SLC6A13: variants seen among roughly 807,000 people sequenced by gnomAD.
SLC6A13 encodes solute carrier family 6 member 13, also known as sodium- and chloride-dependent GABA transporter 2.
Under a neutral mutation model 72.9 loss-of-function variants are expected in SLC6A13, and 69 were observed. The ratio of observed to expected loss-of-function variants is 0.95; its 90% CI spans 0.78 to 1.16. SLC6A13 has a LOEUF of 1.16. SLC6A13 is among the 50% of genes most tolerant of loss of function. The pLI is 0.00. For synonymous variants in SLC6A13, 303 were observed against 303.0 expected (o/e 1.00, Z 0.00); for missense variants, 735 against 760.5 (o/e 0.97, Z 0.39).
At chr12:241,632 G>A (rs1363532681) in intron 4 of SLC6A13, among the ~76,000 whole-genome samples, 5 of 152,190 alleles carry the variant, frequency 3.3e-5, no homozygotes, top group Non-Finnish European at 7.3e-5. Flanking sequence ...GCCCGTGAAA[G>A]GTAAATAAAT....
At chr12:244,509 G>A (rs1220602084) in intron 2 of SLC6A13, among the ~76,000 whole-genome samples, 1 of 152,054 alleles carries the variant, frequency 6.6e-6, no homozygotes, top group Non-Finnish European at 1.5e-5. Flanking sequence ...GGCAACATGG[G>A]AAAACTCTGT....
chr12:252,075 T>C (rs505631), intron 2 of SLC6A13, among the ~76,000 whole-genome samples: 28,533 of 152,170 alleles, frequency 0.19, 3,118 homozygotes, highest in East Asian at 0.37. Context: ...TATATGAAGA[T>C]ACCTCGATAA....
At position 223,145 on chromosome 12, in the gene SLC6A13, C is replaced by T. The variant is rs148770476; in HGVS notation, c.1401G>A (p.Val467=). 132 of 1,611,640 alleles carry T rather than the reference C, an allele frequency of 8.2e-5. No homozygotes were observed. The highest frequency in any genetic ancestry group is 6.0e-4 in the African/African-American group (45 of 74,868). Residue 467 remains valine, a synonymous_variant, in exon 12 of 15, where the codon GTG becomes GTA. Transcript: ENST00000343164. ...LFVAIFESLC[V]AWVYGAKRFY... is the part of the protein sequence containing the mutation. ...GGAGTCACTCACCGTAAACCCAAGC[C>T]ACACAGAGGGACTCGAAGATGGCCA...
At chr12:243,941 G>A (rs1413731974) in intron 2 of SLC6A13, 128 bp from the exon 3 acceptor site, 4 of 789,334 alleles carry the variant, frequency 5.1e-6, no homozygotes, top group African/African-American at 1.7e-5. Flanking sequence ...AAAACTGCAG[G>A]AGACAGCTGT....
intron 9 of SLC6A13, 114 bp from the exon 10 acceptor site, chr12:224,627 AC>A: frequency 1.3e-6 from 1 of 787,616 alleles, no homozygotes; most frequent in Non-Finnish European, 2.1e-6. Flanking sequence ...AGGAAACTTC[AC>A]CCCAAAGTTG....
In SLC6A13 at chr12:223,991, C is replaced by T. The variant is rs781063761; in HGVS notation, c.1311+1G>A. 1.5e-5 allele frequency: 24 copies of T among 1,612,192 alleles called. No individual in the cohort carries two copies. The highest frequency in any genetic ancestry group is 1.9e-5 in the Non-Finnish European group (22 of 1,179,342). On this transcript the variant is annotated splice_donor_variant, in intron 11 of 14. Transcript: ENST00000343164. LOFTEE classifies it high-confidence loss of function. The stretch of plus-strand genomic sequence containing the variant: ...CCTTCCCCCGCTTCCCAGGCCCTCA[C>T]CTCTGTGAGCATGATCAGCCCCACA...
chr12:260,576 C>T (rs564113660), intron 1 of SLC6A13, among the ~76,000 whole-genome samples: 22 of 152,046 alleles, frequency 1.4e-4, no homozygotes, highest in East Asian at 3.9e-4. Context: ...TTCATAACAG[C>T]GAAAAATCGG....
intron 6 of SLC6A13, among the ~76,000 whole-genome samples, chr12:236,385 C>G (rs1430781364): frequency 7.8e-6 from 1 of 128,690 alleles, no homozygotes; most frequent in Non-Finnish European, 1.8e-5. Flanking sequence ...TATACTGTCT[C>G]TCTTTATTTC....
intron 6 of SLC6A13, among the ~76,000 whole-genome samples, chr12:236,342 C>T (rs1278292342): frequency 2.0e-5 from 3 of 152,206 alleles, no homozygotes; most frequent in South Asian, 2.1e-4. Flanking sequence ...TGTGATGTCA[C>T]CCCCAGCGGC....
intron 2 of SLC6A13, among the ~76,000 whole-genome samples, chr12:258,663 T>C (rs1942825347): frequency 1.3e-5 from 2 of 152,188 alleles, no homozygotes; most frequent in South Asian, 4.1e-4. Context: ...GGGAAATCCC[T>C]CTAGCTAGGG....
rs748282867 is a variant in SLC6A13 at position 224,113 on chromosome 12, C to T, written c.1190G>A (p.Ser397Asn). The T allele has an allele frequency of 3.3e-5, 54 of 1,614,054 alleles. No individual in the cohort carries two copies. The highest frequency in any genetic ancestry group is 4.6e-5 in the Non-Finnish European group (54 of 1,180,038). ...CATGTCCACCAGCGCTGTCACCAGGCTTTCTACACACACAAACTGGATGAC... is the reference window on the plus strand; with the variant it reads ...CATGTCCACCAGCGCTGTCACCAGGTTTTCTACACACACAAACTGGATGAC... Reference protein sequence around the residue: ...GLDSQFVCVESLVTALVDMYP... With the variant: ...GLDSQFVCVENLVTALVDMYP... Residue 397 changes from serine (S) to asparagine (N), a missense_variant, in exon 11 of 15, where the codon AGC becomes AAC. Ser to Asn is a conservative substitution (Grantham distance 46). Transcript: ENST00000343164.
chr12:238,062 A>G (rs1411839955), intron 4 of SLC6A13, 52 bp from the exon 5 acceptor site: 4 of 1,589,858 alleles, frequency 2.5e-6, no homozygotes, highest in East Asian at 2.2e-5. Context: ...CAGCCAGCCT[A>G]TGACACAACT....
chr12:224,869 G>A (rs1188567313), intron 9 of SLC6A13, among the ~76,000 whole-genome samples: 1 of 152,260 alleles, frequency 6.6e-6, no homozygotes, highest in African/African-American at 2.4e-5. Flanking sequence ...AGTTTGTGCA[G>A]CAGATCTAGT....
At chr12:223,317 G>A (rs149204504) in intron 11 of SLC6A13, 83 bp from the exon 12 acceptor site, 20 of 794,744 alleles carry the variant, frequency 2.5e-5, no homozygotes, top group African/African-American at 1.0e-4. Context: ...AGCTTCACAC[G>A]GTGGAGGCAC....
At chr12:221,115 A>G in intron 14 of SLC6A13, 45 bp from the exon 15 acceptor site, 2 of 1,542,320 alleles carry the variant, frequency 1.3e-6, no homozygotes, top group African/African-American at 1.4e-5. Context: ...GAGCGGGGGC[A>G]GGTCTGCCAG....
intron 4 of SLC6A13, among the ~76,000 whole-genome samples, chr12:240,360 C>T (rs1025928349): frequency 6.6e-6 from 1 of 152,048 alleles, no homozygotes; most frequent in Non-Finnish European, 1.5e-5. Context: ...TGCACCACCA[C>T]CCCTGGCAAA....
chr12:224,290 C>T, intron 10 of SLC6A13, 111 bp downstream of exon 10: 3 of 1,328,686 alleles, frequency 2.3e-6, no homozygotes, highest in Middle Eastern at 1.9e-4. Flanking sequence ...CACCCTCAAG[C>T]TCCTGTGTCC....
intron 1 of SLC6A13, among the ~76,000 whole-genome samples, chr12:261,515 A>G (rs867460566): frequency 2.6e-5 from 4 of 152,164 alleles, no homozygotes; most frequent in Non-Finnish European, 4.4e-5. Context: ...TTTTCTGGAG[A>G]AGGAGGCAGA....
Position 224,128 on chromosome 12 carries a change from A to G in SLC6A13, c.1175T>C (p.Phe392Ser). 1 of 1,614,026 alleles carries G rather than the reference A, an allele frequency of 6.2e-7. No homozygotes were observed. The highest frequency in any genetic ancestry group is 8.5e-7 in the Non-Finnish European group (1 of 1,179,988). Residue 392 changes from phenylalanine to serine, a missense_variant and splice_region_variant, in exon 11 of 15, where the codon TTT becomes TCT. Coordinates refer to ENST00000343164, the MANE Select transcript of SLC6A13 (RefSeq NM_016615.5). ...TGTCACCAGGCTTTCTACACACACA[A>G]ACTGGATGACAGGGCAAAGGGATTG... ...MVVLLGLDSQ[F>S]VCVESLVTAL...
Sources: allele counts gnomAD v4.1 joint callset (sites outside exome capture counted in the v4.1 genomes callset), GRCh38; gene constraint gnomAD v4.1.1; transcripts MANE v1.5; gene names NCBI Gene and HGNC (gene_info 2026-07-23, HGNC 2026-07-21).